Variants in ANPEP observed in about 807,000 individuals in gnomAD.
The protein encoded by ANPEP is alanyl aminopeptidase, membrane, also known as aminopeptidase N.
Under a neutral mutation model 114.6 loss-of-function variants are expected in ANPEP, and 70 were observed. The ratio of observed to expected loss-of-function variants is 0.61; its 90% CI spans 0.50 to 0.75. ANPEP has a LOEUF of 0.75. Ranked by LOEUF, ANPEP falls within the 30% of genes least tolerant of loss-of-function variation. The probability of loss-of-function intolerance (pLI) is 0.00; values close to 1 mark genes in which losing one functional copy is unlikely to be tolerated. For synonymous variants in ANPEP, 548 were observed against 522.3 expected (o/e 1.05, Z -0.67); for missense variants, 1,184 against 1,259.5 (o/e 0.94, Z 0.91).
At chr15:89,791,597 CTAT>C (rs1968627942) in intron 18 of ANPEP, among the ~76,000 whole-genome samples, 1 of 121,142 alleles carries the variant, frequency 8.3e-6, no homozygotes, top group Non-Finnish European at 1.7e-5. Flanking sequence ...GCCACCATGC[CTAT>C]TTTTTTTTTT....
intron 20 of ANPEP, among the ~76,000 whole-genome samples, chr15:89,790,074 AATAAAAAAAAT>A (rs776741970): frequency 0.048 from 6,187 of 129,004 alleles, 264 homozygotes; most frequent in African/African-American, 0.059. Flanking sequence ...AAAAATAAAA[AATAAAAAAAAT>A]AAAAGAATGC....
chr15:89,792,574 G>A lies in ANPEP; in HGVS notation c.2250-12C>T. ...TAACCTCGCTGTACCTGCCCCAGGG[G>A]TGACACGCGGTTAGCACACCTGGCG... On this transcript the variant is annotated splice_polypyrimidine_tract_variant and intron_variant, in intron 16 of 20. Transcript: ENST00000300060. The A allele has an allele frequency of 1.2e-6, 2 of 1,611,192 alleles. No individual in the cohort carries two copies. Among genetic ancestry groups the A allele is most frequent in the Non-Finnish European group, 1.7e-6 (2 of 1,177,492 alleles).
Position 89,803,165 on chromosome 15 carries a change from T to G in ANPEP, c.1569+74A>C. 6.6e-7 allele frequency: 1 copy of G among 1,511,594 alleles called. No homozygotes were observed. Among genetic ancestry groups the G allele is most frequent in the Non-Finnish European group, 9.2e-7 (1 of 1,087,052 alleles). The allele number at this position is 1,511,594 out of a possible 1,614,324, so 93.6% of individuals were successfully genotyped here. A position where few individuals can be genotyped will look rare whatever the true frequency, so the allele number is the denominator to read the frequency against. ...GGAGCTGGACCCATTCTCTTACGCA[T>G]GTGCTGCCCCCAGGTACCTTCAGCA... is the stretch of plus-strand genomic sequence containing the variant. On this transcript the variant is annotated intron_variant, in intron 10 of 20. Coordinates refer to ENST00000300060, the MANE Select transcript of ANPEP (RefSeq NM_001150.3). This position sits in a 1 kb window ranked among gnomAD's most constrained non-coding sequence, Gnocchi z 4.2.
At chr15:89,800,370 C>T (rs1596166072) in intron 12 of ANPEP, among the ~76,000 whole-genome samples, 1 of 152,260 alleles carries the variant, frequency 6.6e-6, no homozygotes, top group South Asian at 2.1e-4. Flanking sequence ...CTAGCCCCAA[C>T]CATACACTCT....
intron 17 of ANPEP, 62 bp downstream of exon 17, chr15:89,792,390 T>A: frequency 1.2e-6 from 2 of 1,612,780 alleles, no homozygotes; most frequent in Non-Finnish European, 1.7e-6. Context: ...AGGGTTCTGC[T>A]GAGGACGGGG....
intron 15 of ANPEP, among the ~76,000 whole-genome samples, chr15:89,796,111 G>A (rs1968721398): frequency 2.0e-5 from 3 of 152,220 alleles, no homozygotes; most frequent in African/African-American, 7.2e-5. Context: ...AGCTAATGGA[G>A]AGACTGAGGC....
intron 15 of ANPEP, 117 bp from the exon 16 acceptor site, chr15:89,793,243 C>T (rs1326003892): frequency 1.8e-5 from 14 of 796,516 alleles, no homozygotes; most frequent in Non-Finnish European, 2.7e-5. Flanking sequence ...GTCAGGGCCT[C>T]ACCTGAGGCC....
At chr15:89,801,364 T>TGGGACC (rs1894585877) in intron 11 of ANPEP, 71 bp downstream of exon 11, 1 of 1,584,254 alleles carries the variant, frequency 6.3e-7, no homozygotes, top group African/African-American at 1.3e-5. Flanking sequence ...AGGCCAGTCC[T>TGGGACC]ACTATGGTCC....
chr15:89,785,726 T>G (rs1405821430), intron 20 of ANPEP, among the ~76,000 whole-genome samples: 1 of 152,230 alleles, frequency 6.6e-6, no homozygotes, highest in East Asian at 1.9e-4. Flanking sequence ...TCAGGGAGAT[T>G]CTGGCCTTCA....
chr15:89,792,899 T>C, intron 16 of ANPEP, 136 bp downstream of exon 16: 2 of 792,752 alleles, frequency 2.5e-6, no homozygotes, highest in East Asian at 2.4e-5. Flanking sequence ...GGGCAGGACC[T>C]CCCTGCTCCT....
At chr15:89,807,322 T>G (rs1312572718) in intron 1 of ANPEP, among the ~76,000 whole-genome samples, 1 of 152,260 alleles carries the variant, frequency 6.6e-6, no homozygotes, top group Admixed American at 6.5e-5. Context: ...TCTCTCCTCA[T>G]AAATAAATAA....
intron 4 of ANPEP, 75 bp downstream of exon 4, chr15:89,805,003 A>G: frequency 6.3e-7 from 1 of 1,590,024 alleles, no homozygotes; most frequent in South Asian, 1.1e-5. Context: ...AAACTGGCAC[A>G]GGGATGAAGA....
At position 89,803,981 on chromosome 15, in the gene ANPEP, TG is replaced by T; in HGVS notation, c.1200del (p.Ile401Ter). On this transcript the variant is annotated frameshift_variant, in exon 7 of 21. Coordinates refer to ENST00000300060, the MANE Select transcript of ANPEP (RefSeq NM_001150.3). LOFTEE classifies it high-confidence loss of function. This position sits in a 1 kb window ranked among gnomAD's most constrained non-coding sequence, Gnocchi z 4.2. ...LAHQWFGNLV[T>X]IEWWNDLWLN... ...AGCCACAGGTCATTCCACCACTCTA[TG>T]GTCACCAGGTTCCCGAACCACTGTG... The T allele has an allele frequency of 6.2e-7, 1 of 1,614,028 alleles. No individual in the cohort carries two copies. The highest frequency in any genetic ancestry group is 1.1e-5 in the South Asian group (1 of 91,078).
At chr15:89,785,996 T>G (rs1213115765) in intron 20 of ANPEP, among the ~76,000 whole-genome samples, 1 of 152,240 alleles carries the variant, frequency 6.6e-6, no homozygotes, top group African/African-American at 2.4e-5. Flanking sequence ...TATGACATGT[T>G]TGCATACATA....
In ANPEP at chr15:89,792,451, C is replaced by T. The variant is rs761569899; in HGVS notation, c.2360+1G>A. On this transcript the variant is annotated splice_donor_variant, in intron 17 of 20. Coordinates refer to ENST00000300060, the MANE Select transcript of ANPEP (RefSeq NM_001150.3). LOFTEE classifies it high-confidence loss of function. Reference sequence around the variant, plus strand: ...AGAGGAGGCGCAGGGGAGACACTCACGGGTTATTATTGGGGTTCTCCATCC... The same window carrying T: ...AGAGGAGGCGCAGGGGAGACACTCATGGGTTATTATTGGGGTTCTCCATCC... 31 of 1,613,986 alleles carry T rather than the reference C, an allele frequency of 1.9e-5. No homozygotes were observed. The highest frequency in any genetic ancestry group is 2.5e-5 in the Non-Finnish European group (29 of 1,179,900).
chr15:89,813,741 T>C (rs1052629487), intron 1 of ANPEP, among the ~76,000 whole-genome samples: 2 of 152,052 alleles, frequency 1.3e-5, no homozygotes, highest in African/African-American at 4.8e-5. Flanking sequence ...ACACATACCC[T>C]GAGGGGCCCT....
Position 89,804,619 on chromosome 15 carries a change from T to G in ANPEP, c.898-2A>C, listed in dbSNP as rs1894671809. On this transcript the variant is annotated splice_acceptor_variant, in intron 4 of 20. Transcript: ENST00000300060. LOFTEE classifies it high-confidence loss of function. Reference sequence around the variant, plus strand: ...ACTGGGCCGGGCCCAGATCCGGATCTGCAAGGTGTGAGGAAGAAGCAGACC... The same window carrying G: ...ACTGGGCCGGGCCCAGATCCGGATCGGCAAGGTGTGAGGAAGAAGCAGACC... 6.2e-7 allele frequency: 1 copy of G among 1,613,238 alleles called. No individual in the cohort carries two copies.
At chr15:89,804,758 G>A (rs981472423) in intron 4 of ANPEP, 141 bp from the exon 5 acceptor site, 1 of 1,225,246 alleles carries the variant, frequency 8.2e-7, no homozygotes, top group Non-Finnish European at 1.1e-6. Flanking sequence ...TAGAGGCCTG[G>A]TCAGCAGAGG....
At position 89,805,418 on chromosome 15, in the gene ANPEP, G is replaced by T; in HGVS notation, c.660C>A (p.Ser220=). 7 of 1,614,206 alleles carry T rather than the reference G, an allele frequency of 4.3e-6. No individual in the cohort carries two copies. The highest frequency in any genetic ancestry group is 5.9e-6 in the Non-Finnish European group (7 of 1,180,024). ...TGGCCGGCTCATCGAAGCATGGGAA[G>T]GACTTCCGGGCATCTGCAGCCTGCA... ...TQMQAADARK[S]FPCFDEPAMK... Residue 220 remains serine (S), a synonymous_variant, in exon 3 of 21, where the codon TCC becomes TCA. Coordinates refer to ENST00000300060, the MANE Select transcript of ANPEP (RefSeq NM_001150.3).
Sources: allele counts gnomAD v4.1 joint callset (sites outside exome capture counted in the v4.1 genomes callset), GRCh38; gene constraint gnomAD v4.1.1; non-coding constraint Gnocchi (gnomAD v3.1); transcripts MANE v1.5; gene names NCBI Gene and HGNC (gene_info 2026-07-23, HGNC 2026-07-21).